STX6: variants seen among roughly 807,000 people sequenced by gnomAD.
STX6 encodes the protein syntaxin-6.
A neutral mutation model predicts 38.0 loss-of-function variants in STX6; 23 were observed. The observed-to-expected ratio is 0.60, with a 90% CI of 0.43 to 0.86. The LOEUF (loss-of-function observed/expected upper bound fraction) is 0.86, where lower values mean the gene tolerates loss of function less well. Among genes scored for constraint, STX6 ranks in the 40% least tolerant of loss-of-function variants. STX6 has a pLI of 0.00. For synonymous variants in STX6, 123 were observed against 107.5 expected, an observed-to-expected ratio of 1.14 and a Z score of -0.89; for missense variants, 274 against 312.9, an observed-to-expected ratio of 0.88 and a Z score of 0.94.
intron 1 of STX6, 71 bp downstream of exon 1, chr1:181,022,568 G>T (rs1186197179): frequency 3.3e-6 from 5 of 1,514,104 alleles, no homozygotes; most frequent in Non-Finnish European, 3.6e-6. Context: ...CCCACTGCGA[G>T]AAGACCTAGG....
At chr1:180,984,451 C>G (rs1280771410) in intron 7 of STX6, among the ~76,000 whole-genome samples, 2 of 152,030 alleles carry the variant, frequency 1.3e-5, no homozygotes, top group Admixed American at 6.5e-5. Context: ...GAGGTCAAGG[C>G]ATGAGAATCG....
intron 1 of STX6, among the ~76,000 whole-genome samples, chr1:181,007,438 T>A (rs1211827886): frequency 6.6e-6 from 1 of 152,230 alleles, no homozygotes; most frequent in Admixed American, 6.5e-5. Context: ...GATGGAGGGC[T>A]GATTGCATTG....
intron 6 of STX6, 200 bp downstream of exon 6, chr1:180,988,039 A>G: frequency 2.2e-6 from 1 of 448,652 alleles, no homozygotes; most frequent in Admixed American, 3.9e-5. Flanking sequence ...TAACAACTTC[A>G]CCTAAAGCCT....
chr1:181,016,004 C>G (rs889755472), intron 1 of STX6, among the ~76,000 whole-genome samples: 4 of 152,168 alleles, frequency 2.6e-5, no homozygotes, highest in East Asian at 1.9e-4. Flanking sequence ...GGGTTTGAAC[C>G]CTTAAAAGCT....
At chr1:180,991,668 G>T (rs1470325777) in intron 4 of STX6, among the ~76,000 whole-genome samples, 2 of 152,174 alleles carry the variant, frequency 1.3e-5, no homozygotes, top group African/African-American at 4.8e-5. Context: ...TAGAGATTGA[G>T]AGAGGGCCCA....
chr1:180,985,526 C>A (rs1429453677), intron 6 of STX6, among the ~76,000 whole-genome samples: 1 of 152,230 alleles, frequency 6.6e-6, no homozygotes. Context: ...GGACTAACAT[C>A]CCTGATGGGG....
chr1:180,988,049 T>TA, intron 6 of STX6, 190 bp downstream of exon 6: 3 of 475,342 alleles, frequency 6.3e-6, no homozygotes, highest in Non-Finnish European at 7.6e-6. Flanking sequence ...ACCTAAAGCC[T>TA]GTAGTAAAAT....
At chr1:180,998,433 A>C (rs984681062) in intron 3 of STX6, among the ~76,000 whole-genome samples, 8 of 151,884 alleles carry the variant, frequency 5.3e-5, no homozygotes, top group African/African-American at 1.4e-4. Context: ...CACAGGCTGG[A>C]GTGCAGTGGC....
chr1:181,000,126 G>C (rs906524473), intron 3 of STX6, among the ~76,000 whole-genome samples: 2 of 152,172 alleles, frequency 1.3e-5, no homozygotes, highest in African/African-American at 2.4e-5. Flanking sequence ...TTCCCCCAAA[G>C]GGGTCATAAA....
At chr1:180,982,907 G>A (rs1220406420) in intron 7 of STX6, among the ~76,000 whole-genome samples, 1 of 152,154 alleles carries the variant, frequency 6.6e-6, no homozygotes, top group African/African-American at 2.4e-5. Context: ...TGAAGAGCCC[G>A]CTAGAAACAA....
At chr1:180,983,850 G>T (rs1204812553) in intron 7 of STX6, among the ~76,000 whole-genome samples, 2 of 151,674 alleles carry the variant, frequency 1.3e-5, no homozygotes, top group African/African-American at 4.8e-5. Flanking sequence ...AGATCACGAG[G>T]TCAGGAGATC....
chr1:180,981,213 G>T (rs1655405175), intron 7 of STX6, among the ~76,000 whole-genome samples: 1 of 152,072 alleles, frequency 6.6e-6, no homozygotes, highest in African/African-American at 2.4e-5. Flanking sequence ...TAGGCTGATT[G>T]TAACAAACGT....
chr1:181,012,121 G>C (rs555784342), intron 1 of STX6, among the ~76,000 whole-genome samples: 2 of 152,288 alleles, frequency 1.3e-5, no homozygotes, highest in African/African-American at 4.8e-5. Flanking sequence ...TGAATTGTCA[G>C]AGTTCTTCAG....
chr1:181,002,549 C>T (rs576812468), intron 3 of STX6, 57 bp downstream of exon 3: 3 of 1,272,366 alleles, frequency 2.4e-6, no homozygotes, highest in South Asian at 2.5e-5. Context: ...AGGGAAAGAG[C>T]TCTAAGAAGT....
At chr1:181,017,723 A>G (rs928696924) in intron 1 of STX6, among the ~76,000 whole-genome samples, 9 of 152,208 alleles carry the variant, frequency 5.9e-5, no homozygotes, top group African/African-American at 1.4e-4. Flanking sequence ...TTTAAATATG[A>G]TATTTTCACC....
At chr1:180,987,965 T>A (rs554643555) in intron 6 of STX6, 156 of 288,828 alleles carry the variant, frequency 5.4e-4, no homozygotes, top group African/African-American at 3.4e-3. Flanking sequence ...TTCCCATTCA[T>A]AACTATACTT....
At position 180,975,717 on chromosome 1, in the gene STX6, A is replaced by G. The variant is rs1285457534; in HGVS notation, c.*853T>C. ...TGTTACTGAGCTGTTTAGCAACAAC[A>G]TATGTAGCAATCACCCTCAAAACGC... On this transcript the variant is annotated 3_prime_UTR_variant, in exon 8 of 8. Coordinates refer to ENST00000258301, the MANE Select transcript of STX6 (RefSeq NM_005819.6). 6.6e-6 allele frequency: 1 copy of G among 152,244 alleles called. No homozygotes were observed. The highest frequency in any genetic ancestry group is 1.5e-5 in the Non-Finnish European group (1 of 68,058). The allele number at this position is 152,244 out of a possible 1,614,324, so 9.4% of individuals were successfully genotyped here. A position where few individuals can be genotyped will look rare whatever the true frequency, so the allele number is the denominator to read the frequency against.
chr1:181,008,585 T>C lies in STX6; in HGVS notation c.36-3122A>G, dbSNP rs1044890550. 9.9e-5 allele frequency among the ~76,000 whole-genome samples: 15 copies of C among 152,204 alleles called. 1 individual carries two copies. The highest frequency in any genetic ancestry group is 3.6e-4 in the African/African-American group (15 of 41,448). ...TAGGAAAGTATTAGTCTACTGAGTATTGCAGAACCTCCAAATGCCAGCTCA... is the reference window on the plus strand; with the variant it reads ...TAGGAAAGTATTAGTCTACTGAGTACTGCAGAACCTCCAAATGCCAGCTCA... On this transcript the variant is annotated intron_variant, in intron 1 of 7. Transcript: ENST00000258301.
intron 1 of STX6, among the ~76,000 whole-genome samples, chr1:181,011,278 A>C (rs1247957690): frequency 6.6e-6 from 1 of 152,240 alleles, no homozygotes; most frequent in Non-Finnish European, 1.5e-5. Flanking sequence ...CAGATCTTGA[A>C]AGACAGCCAG....
Sources: gnomAD v4.1 joint callset for allele counts (sites outside exome capture counted in the v4.1 genomes callset) on GRCh38, gnomAD v4.1.1 for gene constraint, MANE v1.5 for transcripts, NCBI Gene and HGNC (gene_info 2026-07-23, HGNC 2026-07-21) for gene names.